ABCC4: variants seen among roughly 807,000 people sequenced by gnomAD.
ABCC4 encodes ATP-binding cassette sub-family C member 4.
ABCC4 carries 102 observed loss-of-function variants against 168.5 expected under a neutral mutation model. That is an observed-to-expected ratio of 0.61 (90% CI 0.52 to 0.71). The LOEUF is 0.71. ABCC4 is among the 30% of genes least tolerant of loss of function. The pLI, the probability that ABCC4 is intolerant of heterozygous loss-of-function variation, is 0.00. For missense variants in ABCC4, 1,402 were observed against 1,605.8 expected, an observed-to-expected ratio of 0.87 and a Z score of 2.17; for synonymous variants, 617 against 590.7, an observed-to-expected ratio of 1.04 and a Z score of -0.65.
At chr13:95,051,875 C>A (rs1350453291) in intron 27 of ABCC4, among the ~76,000 whole-genome samples, 1 of 152,122 alleles carries the variant, frequency 6.6e-6, no homozygotes, top group Non-Finnish European at 1.5e-5. Flanking sequence ...CCAAGTTGGC[C>A]AGGCTGGTCT....
At chr13:95,266,301 CA>C (rs1433992968) in intron 1 of ABCC4, 2 of 152,320 alleles carry the variant, frequency 1.3e-5, no homozygotes, top group African/African-American at 4.8e-5. Flanking sequence ...GAGATGTAAA[CA>C]CAGGTAGAGA....
chr13:95,104,662 T>C (rs756393539), intron 20 of ABCC4, among the ~76,000 whole-genome samples: 24 of 152,342 alleles, frequency 1.6e-4, no homozygotes, highest in Non-Finnish European at 2.9e-4. Context: ...TCAGTTTATA[T>C]GATAAGTATT....
intron 19 of ABCC4, among the ~76,000 whole-genome samples, chr13:95,155,697 T>C (rs954509665): frequency 6.6e-6 from 1 of 152,196 alleles, no homozygotes; most frequent in Non-Finnish European, 1.5e-5. Context: ...ACACTGGCTG[T>C]AACCCAATAT....
chr13:95,196,656 GGAA>G (rs2038448362), intron 8 of ABCC4, among the ~76,000 whole-genome samples: 2 of 30,510 alleles, frequency 6.6e-5, no homozygotes, highest in African/African-American at 1.7e-4. Context: ...AAGGAAGGAA[GGAA>G]GGAAGGAAGG....
chr13:95,300,619 A>C, intron 1 of ABCC4, among the ~76,000 whole-genome samples: 1 of 152,176 alleles, frequency 6.6e-6, no homozygotes, highest in Admixed American at 6.6e-5. Flanking sequence ...AGATACAGAG[A>C]CACCGGGACA....
intron 19 of ABCC4, among the ~76,000 whole-genome samples, chr13:95,146,636 G>A (rs374829079): frequency 6.6e-6 from 1 of 152,204 alleles, no homozygotes; most frequent in African/African-American, 2.4e-5. Flanking sequence ...AATAACAAGA[G>A]TATTGGGCAA....
At chr13:95,136,432 G>T (rs2036146876) in intron 19 of ABCC4, among the ~76,000 whole-genome samples, 1 of 152,174 alleles carries the variant, frequency 6.6e-6, no homozygotes, top group African/African-American at 2.4e-5. Context: ...TAAGATTACA[G>T]GCGTGAGCCA....
intron 11 of ABCC4, among the ~76,000 whole-genome samples, chr13:95,178,672 C>T (rs983305950): frequency 6.6e-6 from 1 of 152,034 alleles, no homozygotes; most frequent in Non-Finnish European, 1.5e-5. Context: ...CACAGAAGAG[C>T]AATATGGATG....
At chr13:95,095,602 G>A (rs1402540769) in intron 20 of ABCC4, among the ~76,000 whole-genome samples, 2 of 152,112 alleles carry the variant, frequency 1.3e-5, no homozygotes, top group Non-Finnish European at 2.9e-5. Flanking sequence ...CACTGCTTGG[G>A]TGATGGGTGC....
intron 14 of ABCC4, among the ~76,000 whole-genome samples, chr13:95,167,556 C>G (rs1410711244): frequency 6.6e-6 from 1 of 152,106 alleles, no homozygotes; most frequent in African/African-American, 2.4e-5. Context: ...CACCTTGGGC[C>G]CTTTGGACCA....
At chr13:95,242,816 G>A (rs980798312) in intron 3 of ABCC4, among the ~76,000 whole-genome samples, 3 of 152,138 alleles carry the variant, frequency 2.0e-5, no homozygotes, top group Non-Finnish European at 4.4e-5. Context: ...CAATAGGCAA[G>A]GCTGGGAAAA....
At chr13:95,117,129 G>A (rs1476853307) in intron 19 of ABCC4, among the ~76,000 whole-genome samples, 3 of 152,030 alleles carry the variant, frequency 2.0e-5, no homozygotes, top group Non-Finnish European at 4.4e-5. Context: ...CTCAGGCTTC[G>A]GACACACAGA....
In ABCC4 at chr13:95,188,783, C is replaced by T. The variant is rs570600179; in HGVS notation, c.1264-241G>A. On this transcript the variant is annotated intron_variant, in intron 9 of 30. Coordinates refer to ENST00000645237, the MANE Select transcript of ABCC4 (RefSeq NM_005845.5). Reference sequence around the variant, plus strand: ...GGCCCATTCCCTTTTACCAGATTTTCATGTGAACACAGCTCCAGACTTCCA... The same window carrying T: ...GGCCCATTCCCTTTTACCAGATTTTTATGTGAACACAGCTCCAGACTTCCA... Among the ~76,000 whole-genome samples the T allele has an allele frequency of 3.3e-5, 5 of 152,264 alleles. No homozygotes were observed. The East Asian group carries it at 9.6e-4, about 29-fold the overall frequency.
At chr13:95,053,514 G>A (rs897414323) in intron 26 of ABCC4, among the ~76,000 whole-genome samples, 2 of 152,072 alleles carry the variant, frequency 1.3e-5, no homozygotes, top group African/African-American at 2.4e-5. Context: ...TTATTCGAGG[G>A]TCTACATGAA....
intron 20 of ABCC4, among the ~76,000 whole-genome samples, chr13:95,083,795 T>C (rs1232343352): frequency 6.6e-6 from 1 of 152,140 alleles, no homozygotes; most frequent in Non-Finnish European, 1.5e-5. Flanking sequence ...AGTGCTGGAA[T>C]TATGAGCGTG....
chr13:95,167,661 C>A (rs2037328047), intron 14 of ABCC4, among the ~76,000 whole-genome samples: 1 of 152,156 alleles, frequency 6.6e-6, no homozygotes, highest in South Asian at 2.1e-4. Context: ...GATAAAATGA[C>A]CACTTTTCAC....
intron 1 of ABCC4, chr13:95,269,393 T>A (rs1205523577): frequency 2.4e-6 from 1 of 412,796 alleles, no homozygotes; most frequent in Non-Finnish European, 4.9e-6. Context: ...GCCACTGCAC[T>A]CCAGCCTGGG....
chr13:95,161,171 A>T lies in ABCC4; in HGVS notation c.2455+18T>A. 6.4e-7 allele frequency: 1 copy of T among 1,571,374 alleles called. No homozygotes were observed. Among genetic ancestry groups the T allele is most frequent in the East Asian group, 2.3e-5 (1 of 43,738 alleles). On this transcript the variant is annotated intron_variant, in intron 19 of 30. Coordinates refer to ENST00000645237, the MANE Select transcript of ABCC4 (RefSeq NM_005845.5). ...GTTAACAAGACATACTTACTGAGAA[A>T]CTTGGTGTCAGACTTACCTATTGGA...
At chr13:95,184,728 A>C (rs191172771) in intron 11 of ABCC4, among the ~76,000 whole-genome samples, 1 of 150,544 alleles carries the variant, frequency 6.6e-6, no homozygotes, top group African/African-American at 2.5e-5. Flanking sequence ...AAATGATGGA[A>C]GAAAAGAGCT....
Sources: gnomAD v4.1 joint callset for allele counts (sites outside exome capture counted in the v4.1 genomes callset) on GRCh38, gnomAD v4.1.1 for gene constraint, MANE v1.5 for transcripts, NCBI Gene and HGNC (gene_info 2026-07-23, HGNC 2026-07-21) for gene names.